LIN28B: variants seen among roughly 807,000 people sequenced by gnomAD.
The protein encoded by LIN28B is protein lin-28 homolog B.
LIN28B carries 5 observed loss-of-function variants against 21.9 expected under a neutral mutation model. The ratio of observed to expected loss-of-function variants is 0.23; its 90% CI spans 0.12 to 0.48. LIN28B has a LOEUF of 0.48. Ranked by LOEUF, LIN28B falls within the 20% of genes least tolerant of loss-of-function variation. The probability of loss-of-function intolerance (pLI) is 0.98; values close to 1 mark genes in which losing one functional copy is unlikely to be tolerated. For synonymous variants in LIN28B, 109 were observed against 111.3 expected (o/e 0.98, Z 0.13); for missense variants, 245 against 310.5 (o/e 0.79, Z 1.58).
At chr6:105,011,917 T>G (rs892756080) in intron 2 of LIN28B, among the ~76,000 whole-genome samples, 2 of 151,914 alleles carry the variant, frequency 1.3e-5, no homozygotes, top group African/African-American at 4.8e-5. Flanking sequence ...CCCAGCACTT[T>G]AGGAGGCCGA....
rs564296911 is a variant in LIN28B, at chr6:105,061,599, T to C, written c.384-16815T>C. Among the ~76,000 whole-genome samples, 155 of 149,794 alleles carry C rather than the reference T, an allele frequency of 1.0e-3. 1 individual carries two copies. The highest frequency in any genetic ancestry group is 3.7e-3 in the African/African-American group (149 of 40,736). ...TAGTGGAGAAATTTCACCTACCATT[T>C]ATATATGGAGGTTTATAATTAACAA... On this transcript the variant is annotated intron_variant, in intron 3 of 3. Transcript: ENST00000345080.
chr6:104,957,572 C>G (rs547275362), intron 1 of LIN28B, among the ~76,000 whole-genome samples: 36 of 152,248 alleles, frequency 2.4e-4, no homozygotes, highest in African/African-American at 8.4e-4. Flanking sequence ...CACCTGCCCC[C>G]TCCCCCATTC....
intron 3 of LIN28B, among the ~76,000 whole-genome samples, chr6:105,068,061 T>C (rs984162617): frequency 1.3e-5 from 2 of 152,218 alleles, no homozygotes; most frequent in African/African-American, 4.8e-5. Flanking sequence ...TATTACTGTA[T>C]TTTAGCTGGT....
intron 2 of LIN28B, among the ~76,000 whole-genome samples, chr6:105,011,732 C>A (rs1770927640): frequency 6.6e-6 from 1 of 152,064 alleles, no homozygotes; most frequent in African/African-American, 2.4e-5. Flanking sequence ...CGCCTGTGAT[C>A]CCAGCTGCAG....
intron 2 of LIN28B, among the ~76,000 whole-genome samples, chr6:104,993,455 G>A (rs1770535924): frequency 6.6e-6 from 1 of 152,082 alleles, no homozygotes; most frequent in African/African-American, 2.4e-5. Flanking sequence ...GGCAGAACAA[G>A]ACCCTTTCTC....
intron 2 of LIN28B, among the ~76,000 whole-genome samples, chr6:105,009,756 A>AT (rs1770885274): frequency 6.6e-6 from 1 of 152,150 alleles, no homozygotes; most frequent in Non-Finnish European, 1.5e-5. Context: ...CAGGGTCTCT[A>AT]TATCAGTTGT....
At chr6:105,073,072 T>C (rs1772363038) in intron 3 of LIN28B, among the ~76,000 whole-genome samples, 1 of 152,160 alleles carries the variant, frequency 6.6e-6, no homozygotes, top group Non-Finnish European at 1.5e-5. Flanking sequence ...ATCCTTTGCT[T>C]GTCAGCTCTC....
chr6:105,053,710 G>GGTACATGTGT (rs1771960304), intron 3 of LIN28B, among the ~76,000 whole-genome samples: 1 of 28,274 alleles, frequency 3.5e-5, no homozygotes, highest in Non-Finnish European at 7.4e-5. Flanking sequence ...TGTGTGTGTG[G>GGTACATGTGT]GTGCGTGTGT....
exon 2 of LIN28B, chr6:104,937,033 T>C (rs1582850479): frequency 6.6e-6 from 1 of 151,222 alleles, no homozygotes; most frequent in South Asian, 2.1e-4. Flanking sequence ...CACAGGCTGG[T>C]GTTGAACTCC....
intron 2 of LIN28B, among the ~76,000 whole-genome samples, chr6:104,939,855 C>T (rs1778058195): frequency 6.6e-6 from 1 of 152,168 alleles, no homozygotes; most frequent in Non-Finnish European, 1.5e-5. Context: ...TTGACTAGTA[C>T]TGTTTAGTTC....
chr6:105,042,381 G>C (rs1771656364), intron 3 of LIN28B, among the ~76,000 whole-genome samples: 1 of 152,176 alleles, frequency 6.6e-6, no homozygotes, highest in South Asian at 2.1e-4. Flanking sequence ...TACAAAAACA[G>C]TGTGACCTGT....
intron 3 of LIN28B, among the ~76,000 whole-genome samples, chr6:105,044,311 G>A (rs1276671229): frequency 2.0e-5 from 3 of 151,868 alleles, no homozygotes; most frequent in South Asian, 2.1e-4. Context: ...TCTTTCTTCC[G>A]CTAGTTGTTT....
chr6:105,025,283 G>A (rs1380512766), intron 2 of LIN28B, among the ~76,000 whole-genome samples: 1 of 152,072 alleles, frequency 6.6e-6, no homozygotes, highest in East Asian at 1.9e-4. Flanking sequence ...TCTGTAAAAT[G>A]TACACAGAGG....
In LIN28B at chr6:105,080,223, G is replaced by C. The variant is rs904232168; in HGVS notation, c.*1440G>C. 6.6e-6 allele frequency: 1 copy of C among 152,526 alleles called. No homozygotes were observed. Among genetic ancestry groups the C allele is most frequent in the African/African-American group, 2.4e-5 (1 of 41,418 alleles). 9.4% of individuals were successfully genotyped at this position (152,526 alleles called of 1,614,324 possible). On this transcript the variant is annotated 3_prime_UTR_variant, in exon 4 of 4. Transcript: ENST00000345080. ...TCATGGAAAAAAAAATTATTTTGGGGTCATCCTGGCTCTAGATGTTATGGG... is the reference window on the plus strand; with the variant it reads ...TCATGGAAAAAAAAATTATTTTGGGCTCATCCTGGCTCTAGATGTTATGGG...
intron 2 of LIN28B, among the ~76,000 whole-genome samples, chr6:104,944,824 A>G (rs1007541415): frequency 2.0e-5 from 3 of 152,128 alleles, no homozygotes; most frequent in Non-Finnish European, 2.9e-5. Flanking sequence ...TTAAGGGTCA[A>G]AGGTGACAAA....
At chr6:105,045,199 T>G (rs1293349106) in intron 3 of LIN28B, among the ~76,000 whole-genome samples, 2 of 151,842 alleles carry the variant, frequency 1.3e-5, no homozygotes, top group African/African-American at 2.4e-5. Flanking sequence ...AAATCCTGAG[T>G]ATTCCTAAAT....
chr6:105,005,427 G>T (rs1225387263), intron 2 of LIN28B, among the ~76,000 whole-genome samples: 1 of 151,916 alleles, frequency 6.6e-6, no homozygotes, highest in African/African-American at 2.4e-5. Flanking sequence ...CTCTTTTTCT[G>T]TAACTCCTAC....
chr6:104,980,511 A>G (rs1434583106), intron 2 of LIN28B, among the ~76,000 whole-genome samples: 3 of 152,150 alleles, frequency 2.0e-5, no homozygotes, highest in Non-Finnish European at 4.4e-5. Context: ...GCACAAATGT[A>G]TATATTCCTT....
At position 104,957,156 on chromosome 6, in the gene LIN28B, C is replaced by G. The variant is rs1778301227; in HGVS notation, c.-95C>G. ...CATGCGAGCTAAATTTGTGATCGCA[C>G]AAAATCAAGATGTTAGATTGATGCA... On this transcript the variant is annotated 5_prime_UTR_variant, in exon 1 of 4. Coordinates refer to ENST00000345080, the MANE Select transcript of LIN28B (RefSeq NM_001004317.4). 1.1e-5 allele frequency: 18 copies of G among 1,611,768 alleles called. No homozygotes were observed. The South Asian group carries it at 1.8e-4, about 16-fold the overall frequency.
Sources: allele counts gnomAD v4.1 joint callset (sites outside exome capture counted in the v4.1 genomes callset), GRCh38; gene constraint gnomAD v4.1.1; transcripts MANE v1.5; gene names NCBI Gene and HGNC (gene_info 2026-07-23, HGNC 2026-07-21).